ME3: variants seen among roughly 807,000 people sequenced by gnomAD.
The protein encoded by ME3 is malic enzyme 3, also known as NADP-dependent malic enzyme, mitochondrial.
In ME3, 48 loss-of-function variants were observed where a neutral mutation model predicts 68.9. The observed-to-expected ratio is 0.70, with a 90% CI of 0.55 to 0.89. The LOEUF is 0.89. Among genes scored for constraint, ME3 ranks in the 40% least tolerant of loss-of-function variants. ME3 has a pLI of 0.00. For synonymous variants in ME3, 320 were observed against 318.8 expected (o/e 1.00, Z -0.04); for missense variants, 675 against 797.4 (o/e 0.85, Z 1.85).
At chr11:86,603,365 C>T (rs1445572891) in intron 2 of ME3, among the ~76,000 whole-genome samples, 1 of 152,130 alleles carries the variant, frequency 6.6e-6, no homozygotes, top group Non-Finnish European at 1.5e-5. Flanking sequence ...TCATCACTAG[C>T]CATCAGAGAA....
chr11:86,502,828 C>CT (rs1952817834), intron 5 of ME3, among the ~76,000 whole-genome samples: 1 of 152,118 alleles, frequency 6.6e-6, no homozygotes, highest in Non-Finnish European at 1.5e-5. Context: ...GACCTAAGGC[C>CT]TTTTCTGAAT....
chr11:86,554,075 A>G (rs1323991806), intron 4 of ME3, among the ~76,000 whole-genome samples: 2 of 152,314 alleles, frequency 1.3e-5, no homozygotes, highest in South Asian at 2.1e-4. Flanking sequence ...GCATTAAGAT[A>G]TGTAAATTCA....
chr11:86,657,033 AT>A (rs1945937243), intron 2 of ME3, among the ~76,000 whole-genome samples: 1 of 152,170 alleles, frequency 6.6e-6, no homozygotes, highest in Non-Finnish European at 1.5e-5. Context: ...GTGCAAATTA[AT>A]TTAACCATTG....
At chr11:86,511,312 A>T (rs1048182640) in intron 4 of ME3, among the ~76,000 whole-genome samples, 1 of 152,194 alleles carries the variant, frequency 6.6e-6, no homozygotes, top group Admixed American at 6.5e-5. Flanking sequence ...GGGTCTTGCC[A>T]ACTTCCTTAC....
At chr11:86,540,949 C>A (rs1956007095) in intron 4 of ME3, among the ~76,000 whole-genome samples, 1 of 152,180 alleles carries the variant, frequency 6.6e-6, no homozygotes, top group Non-Finnish European at 1.5e-5. Context: ...TGGCTCATCT[C>A]ATTGGGATTG....
chr11:86,630,468 G>A (rs375073270), intron 2 of ME3, among the ~76,000 whole-genome samples: 4 of 152,314 alleles, frequency 2.6e-5, no homozygotes, highest in South Asian at 4.1e-4. Flanking sequence ...ACAGAGCACC[G>A]GGAATGTGTT....
In ME3 at chr11:86,572,245, G is replaced by A. The variant is rs142685800; in HGVS notation, c.184-12422C>T. ...CTGGTGTATGAAGGCTCTTACTTGCGGGCAGCCCTGGACAAAATAACTAAA... is the reference window on the plus strand; with the variant it reads ...CTGGTGTATGAAGGCTCTTACTTGCAGGCAGCCCTGGACAAAATAACTAAA... On this transcript the variant is annotated intron_variant, in intron 2 of 14. Coordinates refer to ENST00000543262, the Ensembl canonical transcript of ME3. Among the ~76,000 whole-genome samples the A allele has an allele frequency of 6.2e-3, 947 of 151,590 alleles. 9 individuals are homozygous for A. Among genetic ancestry groups the A allele is most frequent in the African/African-American group, 0.022 (910 of 41,336 alleles).
chr11:86,558,746 C>A (rs1252066867), intron 3 of ME3, among the ~76,000 whole-genome samples: 1 of 152,224 alleles, frequency 6.6e-6, no homozygotes, highest in East Asian at 1.9e-4. Flanking sequence ...TTGACAAACA[C>A]TGACATACGG....
chr11:86,520,406 T>C (rs1954187448), intron 4 of ME3, among the ~76,000 whole-genome samples: 2 of 152,238 alleles, frequency 1.3e-5, no homozygotes, highest in African/African-American at 2.4e-5. Flanking sequence ...AGACTTCATC[T>C]CTGATCCAGA....
intron 4 of ME3, among the ~76,000 whole-genome samples, chr11:86,515,293 C>T (rs1235245502): frequency 1.3e-5 from 2 of 152,216 alleles, no homozygotes; most frequent in African/African-American, 2.4e-5. Context: ...TCCAGGGACA[C>T]TGGCAGGCCC....
chr11:86,605,030 G>A (rs888359992), intron 2 of ME3, among the ~76,000 whole-genome samples: 3 of 152,050 alleles, frequency 2.0e-5, no homozygotes, highest in African/African-American at 7.2e-5. Context: ...TAAGCTCTGA[G>A]CAATCACCAG....
At chr11:86,530,011 C>T (rs1396350120) in intron 4 of ME3, among the ~76,000 whole-genome samples, 18 of 152,240 alleles carry the variant, frequency 1.2e-4, no homozygotes, top group African/African-American at 3.9e-4. Context: ...CCAGGGCAAT[C>T]AGGCAGGAGA....
chr11:86,450,473 C>T lies in ME3; in HGVS notation c.920-75G>A, dbSNP rs1949569193. On this transcript the variant is annotated intron_variant, in intron 8 of 14. Transcript: ENST00000543262. Reference sequence around the variant, plus strand: ...CCAAGAGAAGACCCTTGGCAGAGTTCCCCACATCTGGGACTGTGGAGGAAC... The same window carrying T: ...CCAAGAGAAGACCCTTGGCAGAGTTTCCCACATCTGGGACTGTGGAGGAAC... The T allele has an allele frequency of 3.2e-6, 4 of 1,244,456 alleles. No individual in the cohort carries two copies. The East Asian group carries it at 9.7e-5, about 30-fold the overall frequency. 77.1% of individuals were successfully genotyped at this position (1,244,456 alleles called of 1,614,324 possible).
intron 2 of ME3, among the ~76,000 whole-genome samples, chr11:86,660,454 C>G (rs1946201081): frequency 6.6e-6 from 1 of 152,234 alleles, no homozygotes; most frequent in African/African-American, 2.4e-5. Flanking sequence ...ATCATTATAG[C>G]AACTTGTCAA....
rs113079009 is a variant in ME3, at chr11:86,490,442, C to A, written c.706-3002G>T. On this transcript the variant is annotated intron_variant, in intron 6 of 14. Coordinates refer to ENST00000543262, the Ensembl canonical transcript of ME3. The stretch of plus-strand genomic sequence containing the variant: ...ATGGTGCCTACCCTTCCACATGCTA[C>A]CTTCAAAGTGACCATCAAAGGTCAC... Among the ~76,000 whole-genome samples, 796 of 152,176 alleles carry A rather than the reference C, an allele frequency of 5.2e-3. 3 individuals are homozygous for A. The highest frequency in any genetic ancestry group is 0.018 in the African/African-American group (737 of 41,508).
intron 4 of ME3, among the ~76,000 whole-genome samples, chr11:86,534,429 T>C (rs982118537): frequency 6.6e-6 from 1 of 152,116 alleles, no homozygotes; most frequent in Non-Finnish European, 1.5e-5. Flanking sequence ...AATCCCAGCA[T>C]TGTGGGAAGC....
At chr11:86,629,196 A>C (rs974541084) in intron 2 of ME3, among the ~76,000 whole-genome samples, 13 of 152,222 alleles carry the variant, frequency 8.5e-5, no homozygotes, top group African/African-American at 3.1e-4. Flanking sequence ...GGTCATGAGA[A>C]TGTCTAGCAT....
rs553191148 is a variant in ME3 at position 86,596,365 on chromosome 11, A to G, written c.184-36542T>C. On this transcript the variant is annotated intron_variant, in intron 2 of 14. Transcript: ENST00000543262. ...GCCCTGTAAATATCCTACTTGTACAATTTTAATACTTTCATCATGGTCAGA... is the reference window on the plus strand; with the variant it reads ...GCCCTGTAAATATCCTACTTGTACAGTTTTAATACTTTCATCATGGTCAGA... Among the ~76,000 whole-genome samples the G allele has an allele frequency of 1.1e-4, 17 of 152,330 alleles. 1 individual carries two copies. In the East Asian group the frequency reaches 2.7e-3, roughly 24 times the overall value.
Position 86,575,195 on chromosome 11 carries a change from G to A in ME3, c.184-15372C>T, listed in dbSNP as rs1377943939. ...TGTGCCAATGCATTAAACAGCCATT[G>A]GAGACAAAACCCTTTGGAAAATGTG... On this transcript the variant is annotated intron_variant, in intron 2 of 14. Transcript: ENST00000543262. Among the ~76,000 whole-genome samples, 13 of 147,346 alleles carry A rather than the reference G, an allele frequency of 8.8e-5. 1 individual carries two copies. The highest frequency in any genetic ancestry group is 2.7e-4 in the Admixed American group (4 of 14,982).
Sources: gnomAD v4.1 joint callset for allele counts (sites outside exome capture counted in the v4.1 genomes callset) on GRCh38, gnomAD v4.1.1 for gene constraint, MANE v1.5 for transcripts, NCBI Gene and HGNC (gene_info 2026-07-23, HGNC 2026-07-21) for gene names.